The following CDK13 variants were observed in gnomAD, a reference collection of about 807,000 sequenced individuals.
The protein encoded by CDK13 is cyclin-dependent kinase 13.
A neutral mutation model predicts 137.6 loss-of-function variants in CDK13; 40 were observed. That is an observed-to-expected ratio of 0.29 (90% CI 0.23 to 0.38). CDK13 has a LOEUF of 0.38. CDK13 is among the 10% of genes least tolerant of loss of function. The pLI is 1.00. For missense variants in CDK13, 1,704 were observed against 1,951.8 expected, an observed-to-expected ratio of 0.87 and a Z score of 2.39; for synonymous variants, 869 against 760.1, an observed-to-expected ratio of 1.14 and a Z score of -2.36.
chr7:39,950,760 T>G lies in CDK13; in HGVS notation c.119T>G (p.Leu40Arg). 1 of 1,476,762 alleles carries G rather than the reference T, an allele frequency of 6.8e-7. No individual in the cohort carries two copies. The highest frequency in any genetic ancestry group is 8.9e-7 in the Non-Finnish European group (1 of 1,121,670). 91.5% of individuals were successfully genotyped at this position (1,476,762 alleles called of 1,614,324 possible). ...CTGTCCCCTCAGCAGCCGCCGCTGC[T>G]GTTGCCGCTCCTGCAGCCGCAGCTC... ...RFLSPQQPPLLLPLLQPQLLQ... is the reference protein window; with the variant it reads ...RFLSPQQPPLRLPLLQPQLLQ... The change falls in exon 1 of 14, where the codon CTG becomes CGG. Residue 40 changes from leucine to arginine, a missense_variant. By Grantham distance (102) the Leu-to-Arg change is moderately radical (BLOSUM62 -2). This residue lies in a region of CDK13 where 1,051 missense variants were observed against 931.0 expected (regional missense o/e 1.13). Transcript: ENST00000181839.
chr7:40,029,646 G>T (rs1432061826), intron 5 of CDK13, among the ~76,000 whole-genome samples: 3 of 150,944 alleles, frequency 2.0e-5, no homozygotes, highest in Non-Finnish European at 2.9e-5. Context: ...AGAGAGAAAA[G>T]ATTCTTTTTT....
chr7:40,085,721 A>G (rs201637064), intron 11 of CDK13: 3 of 152,616 alleles, frequency 2.0e-5, no homozygotes, highest in Non-Finnish European at 2.9e-5. Flanking sequence ...CGCTGAGGCA[A>G]TGCATCATAG....
At chr7:40,093,541 AC>A (rs752877278) in intron 13 of CDK13, among the ~76,000 whole-genome samples, 3 of 152,206 alleles carry the variant, frequency 2.0e-5, no homozygotes, top group Admixed American at 6.5e-5. Flanking sequence ...TAATTTATGT[AC>A]ACAGTAGCTT....
chr7:39,993,656 T>C (rs1212194028), intron 2 of CDK13, among the ~76,000 whole-genome samples: 1 of 152,112 alleles, frequency 6.6e-6, no homozygotes. Flanking sequence ...GATCTTTCCA[T>C]GTTGGTATAG....
intron 5 of CDK13, among the ~76,000 whole-genome samples, chr7:40,038,830 G>A (rs965415751): frequency 6.6e-6 from 1 of 152,080 alleles, no homozygotes; most frequent in African/African-American, 2.4e-5. Flanking sequence ...CAAGTAGTTG[G>A]GATTACAGTC....
intron 1 of CDK13, among the ~76,000 whole-genome samples, chr7:39,965,442 C>T (rs1268801741): frequency 6.6e-6 from 1 of 152,096 alleles, no homozygotes; most frequent in Non-Finnish European, 1.5e-5. Flanking sequence ...ATTGCGACCA[C>T]TGCCTTTTTT....
At chr7:40,014,306 A>G (rs891569326) in intron 5 of CDK13, among the ~76,000 whole-genome samples, 22 of 151,702 alleles carry the variant, frequency 1.5e-4, no homozygotes, top group African/African-American at 5.3e-4. Flanking sequence ...TGACCTCGTG[A>G]TCTGCCCGCC....
chr7:39,960,661 G>A (rs1056808301), intron 1 of CDK13, among the ~76,000 whole-genome samples: 7 of 151,992 alleles, frequency 4.6e-5, no homozygotes, highest in African/African-American at 1.7e-4. Flanking sequence ...AACAACCTAC[G>A]CCTCCTGGGT....
intron 5 of CDK13, among the ~76,000 whole-genome samples, chr7:40,007,797 A>T (rs919230871): frequency 3.3e-5 from 5 of 152,080 alleles, no homozygotes; most frequent in African/African-American, 9.7e-5. Context: ...GAGAGCAGGG[A>T]CTCAATTTTA....
intron 5 of CDK13, among the ~76,000 whole-genome samples, chr7:40,003,142 T>C (rs1020532924): frequency 2.1e-5 from 3 of 143,958 alleles, no homozygotes; most frequent in African/African-American, 7.8e-5. Context: ...TAGACTCCTG[T>C]CTTCCCCAGC....
chr7:40,040,976 A>C (rs946852915), intron 5 of CDK13, among the ~76,000 whole-genome samples: 1 of 152,182 alleles, frequency 6.6e-6, no homozygotes, highest in Admixed American at 6.6e-5. Flanking sequence ...GAGCCATTGC[A>C]TTTTAATTTA....
At chr7:40,091,633 C>T (rs975706939) in intron 12 of CDK13, among the ~76,000 whole-genome samples, 9 of 152,166 alleles carry the variant, frequency 5.9e-5, no homozygotes, top group African/African-American at 2.2e-4. Context: ...GCAAAAGAGG[C>T]ACCTCAATTA....
At chr7:39,956,376 C>T (rs933968840) in intron 1 of CDK13, among the ~76,000 whole-genome samples, 6 of 152,272 alleles carry the variant, frequency 3.9e-5, no homozygotes, top group African/African-American at 1.2e-4. Flanking sequence ...CTACTCAGTC[C>T]TTATCACATT....
At chr7:39,980,418 T>C (rs1035698338) in intron 1 of CDK13, among the ~76,000 whole-genome samples, 1 of 152,230 alleles carries the variant, frequency 6.6e-6, no homozygotes, top group Non-Finnish European at 1.5e-5. Flanking sequence ...ACCACAGTGC[T>C]GTTACATATA....
At chr7:40,010,096 G>T (rs1784865254) in intron 5 of CDK13, among the ~76,000 whole-genome samples, 1 of 151,352 alleles carries the variant, frequency 6.6e-6, no homozygotes, top group South Asian at 2.1e-4. Context: ...GATTTATCGT[G>T]TACTTTATTT....
At chr7:39,998,962 CG>C (rs1164664138) in intron 3 of CDK13, 1 of 152,414 alleles carries the variant, frequency 6.6e-6, no homozygotes, top group Non-Finnish European at 1.5e-5. Flanking sequence ...ACTCTTGTTT[CG>C]TAAAAGTAGA....
intron 5 of CDK13, among the ~76,000 whole-genome samples, chr7:40,002,464 A>T (rs1006804196): frequency 1.3e-5 from 2 of 152,120 alleles, no homozygotes; most frequent in African/African-American, 2.4e-5. Context: ...GCCTTTAATA[A>T]TCTATAGTGG....
chr7:40,055,165 T>A (rs1438702884), intron 7 of CDK13, among the ~76,000 whole-genome samples: 2 of 149,176 alleles, frequency 1.3e-5, no homozygotes, highest in Non-Finnish European at 3.0e-5. Context: ...ACTGTGTGTG[T>A]GTGTGTGTGT....
intron 1 of CDK13, among the ~76,000 whole-genome samples, chr7:39,962,942 G>A (rs1042831258): frequency 6.6e-6 from 1 of 152,072 alleles, no homozygotes; most frequent in East Asian, 1.9e-4. Flanking sequence ...GTAGATATGC[G>A]GCATTACTTC....
Sources: gnomAD v4.1 joint callset for allele counts (sites outside exome capture counted in the v4.1 genomes callset) on GRCh38, gnomAD v4.1.1 for gene constraint, gnomAD v4.1.1 regional missense constraint, MANE v1.5 for transcripts, NCBI Gene and HGNC (gene_info 2026-07-23, HGNC 2026-07-21) for gene names.